RAB30: variants seen among roughly 807,000 people sequenced by gnomAD.
RAB30 encodes RAB30, member RAS oncogene family.
In RAB30, 9 loss-of-function variants were observed where a neutral mutation model predicts 25.1. The ratio of observed to expected loss-of-function variants is 0.36; its 90% CI spans 0.22 to 0.63. The LOEUF (loss-of-function observed/expected upper bound fraction) is 0.63, where lower values mean the gene tolerates loss of function less well. Ranked by LOEUF, RAB30 falls within the 20% of genes least tolerant of loss-of-function variation. RAB30 has a pLI of 0.69. For missense variants in RAB30, 140 were observed against 243.5 expected, an observed-to-expected ratio of 0.58 and a Z score of 2.83; for synonymous variants, 77 against 86.4, an observed-to-expected ratio of 0.89 and a Z score of 0.60.
Position 82,981,458 on chromosome 11 carries a change from A to AT in RAB30, c.*706dup, listed in dbSNP as rs1856636705. On this transcript the variant is annotated 3_prime_UTR_variant, in exon 5 of 5. Transcript: ENST00000527633. Reference sequence around the variant, plus strand: ...GAGTGCTGATTCATGGACTTCCCCCATTTTTTTATTTCTATATAACACATT... The same window carrying AT: ...GAGTGCTGATTCATGGACTTCCCCCATTTTTTTTATTTCTATATAACACATT... 1 of 152,506 alleles carries AT rather than the reference A, an allele frequency of 6.6e-6. No individual in the cohort carries two copies. Among genetic ancestry groups the AT allele is most frequent in the Admixed American group, 6.5e-5 (1 of 15,268 alleles). The allele number at this position is 152,506 out of a possible 1,614,324, so 9.4% of individuals were successfully genotyped here.
At chr11:83,012,319 G>T (rs1857322860) in intron 1 of RAB30, among the ~76,000 whole-genome samples, 1 of 152,158 alleles carries the variant, frequency 6.6e-6, no homozygotes, top group East Asian at 1.9e-4. Flanking sequence ...CCTCTCCAAA[G>T]AACTAATCTA....
At chr11:82,987,327 C>CA (rs1856756858) in intron 4 of RAB30, 1 of 291,130 alleles carries the variant, frequency 3.4e-6, no homozygotes. Context: ...TTTAGCAGCT[C>CA]ACATAACTTT....
Position 82,982,361 on chromosome 11 carries a change from T to C in RAB30, c.416A>G (p.Glu139Gly). ...ATACATGTCCTGAGCTTCTGAGAAT[T>C]CTTCAGCTCGCTGCTGGGAAACCTC... ...RREVSQQRAE[E>G]FSEAQDMYYL... The change falls in exon 5 of 5, where the codon GAA becomes GGA. Residue 139 changes from glutamate to glycine, a missense_variant. Coordinates refer to ENST00000527633, the MANE Select transcript of RAB30 (RefSeq NM_001286060.2). 6.2e-7 allele frequency: 1 copy of C among 1,614,164 alleles called. No individual in the cohort carries two copies. The highest frequency in any genetic ancestry group is 1.3e-5 in the African/African-American group (1 of 75,056).
intron 1 of RAB30, chr11:83,041,163 T>TC (rs1170792116): frequency 1.3e-5 from 2 of 151,110 alleles, no homozygotes; most frequent in Non-Finnish European, 2.9e-5. Flanking sequence ...ACCACTGTAC[T>TC]CCAGCCTGGG....
intron 1 of RAB30, among the ~76,000 whole-genome samples, chr11:83,001,885 A>AT (rs1857093950): frequency 1.3e-5 from 2 of 152,180 alleles, no homozygotes. Flanking sequence ...GTTAACATTG[A>AT]TAACAGCTGG....
intron 1 of RAB30, among the ~76,000 whole-genome samples, chr11:83,042,322 G>C (rs556788019): frequency 9.2e-5 from 14 of 152,080 alleles, no homozygotes; most frequent in Non-Finnish European, 1.9e-4. Flanking sequence ...GGAGGCCAAG[G>C]TGGGTGGATT....
At chr11:83,023,073 C>T (rs1483238660) in intron 1 of RAB30, among the ~76,000 whole-genome samples, 2 of 151,892 alleles carry the variant, frequency 1.3e-5, no homozygotes, top group East Asian at 3.9e-4. Context: ...TTTGGGTGTT[C>T]AATTTGTTAC....
At chr11:83,031,843 A>C (rs955650469) in intron 1 of RAB30, among the ~76,000 whole-genome samples, 5 of 152,042 alleles carry the variant, frequency 3.3e-5, no homozygotes, top group African/African-American at 1.2e-4. Flanking sequence ...TTCTCTTTTT[A>C]ACCTGACAAA....
intron 4 of RAB30, among the ~76,000 whole-genome samples, chr11:82,983,582 C>T (rs1856681439): frequency 7.3e-6 from 1 of 136,262 alleles, no homozygotes. Flanking sequence ...CAGGCAGGCA[C>T]TACCATGCCC....
intron 1 of RAB30, among the ~76,000 whole-genome samples, chr11:83,064,956 C>T (rs2121521648): frequency 6.6e-6 from 1 of 152,198 alleles, no homozygotes; most frequent in Middle Eastern, 3.4e-3. Flanking sequence ...TCTTTAGTCT[C>T]CCTTAATATA....
At chr11:83,036,154 C>A (rs1259664768) in intron 1 of RAB30, among the ~76,000 whole-genome samples, 2 of 151,694 alleles carry the variant, frequency 1.3e-5, no homozygotes, top group Non-Finnish European at 1.5e-5. Context: ...AGTGGCAAAG[C>A]TCAGGTTCAA....
intron 1 of RAB30, among the ~76,000 whole-genome samples, chr11:83,068,236 T>C (rs368949515): frequency 1.3e-4 from 20 of 150,808 alleles, no homozygotes; most frequent in African/African-American, 4.9e-4. Context: ...AGGCGGAGGT[T>C]GCAATGAGCC....
rs1274587605 is a variant in RAB30, at chr11:83,068,201, G to A, written c.-9+3490C>T. Among the ~76,000 whole-genome samples the A allele has an allele frequency of 5.9e-5, 9 of 151,838 alleles. No homozygotes were observed. In the South Asian group the frequency reaches 1.5e-3, roughly 25 times the overall value. On this transcript the variant is annotated intron_variant, in intron 1 of 4. Transcript: ENST00000527633. ...TAATCCCAGACAATAGGGAGGCTGAGGCAGGAGAACTGCTTGAACCTGGGA... is the reference window on the plus strand; with the variant it reads ...TAATCCCAGACAATAGGGAGGCTGAAGCAGGAGAACTGCTTGAACCTGGGA...
At chr11:83,059,868 T>C (rs1354061908) in intron 1 of RAB30, among the ~76,000 whole-genome samples, 2 of 151,868 alleles carry the variant, frequency 1.3e-5, no homozygotes, top group African/African-American at 4.8e-5. Context: ...TAACACATTG[T>C]GAGAAAAAGA....
intron 1 of RAB30, among the ~76,000 whole-genome samples, chr11:83,006,107 G>A (rs1857179528): frequency 6.6e-6 from 1 of 152,114 alleles, no homozygotes; most frequent in African/African-American, 2.4e-5. Context: ...ATGGAGAAAT[G>A]GGGCACTTGT....
Position 82,982,434 on chromosome 11 carries a change from CAAAT to C in RAB30, c.362-23_362-20del, listed in dbSNP as rs767392749. ...TTGTTGCCTATAACAGTAGTAAAAT[CAAAT>C]AAAGAATCAGCATTTGACTTTTTGC... On this transcript the variant is annotated intron_variant, in intron 4 of 4. Transcript: ENST00000527633. 3 of 1,606,004 alleles carry C rather than the reference CAAAT, an allele frequency of 1.9e-6. No homozygotes were observed. The highest frequency in any genetic ancestry group is 2.6e-6 in the Non-Finnish European group (3 of 1,176,306).
intron 1 of RAB30, among the ~76,000 whole-genome samples, chr11:83,045,074 C>T (rs1309177430): frequency 6.6e-6 from 1 of 152,194 alleles, no homozygotes; most frequent in African/African-American, 2.4e-5. Context: ...GCACATTAGC[C>T]TATCTCATGA....
intron 1 of RAB30, among the ~76,000 whole-genome samples, chr11:83,017,170 T>C (rs1857457476): frequency 6.6e-6 from 1 of 151,876 alleles, no homozygotes; most frequent in South Asian, 2.1e-4. Context: ...AAAACTAAGT[T>C]CCCACAAAAA....
intron 4 of RAB30, among the ~76,000 whole-genome samples, chr11:82,984,151 C>T (rs80299070): frequency 0.016 from 2,494 of 152,202 alleles, 85 homozygotes; most frequent in African/African-American, 0.058. Flanking sequence ...CTGGCAACAC[C>T]GCTTATGGTA....
Sources: gnomAD v4.1 joint callset for allele counts (sites outside exome capture counted in the v4.1 genomes callset) on GRCh38, gnomAD v4.1.1 for gene constraint, MANE v1.5 for transcripts, NCBI Gene and HGNC (gene_info 2026-07-23, HGNC 2026-07-21) for gene names.